Variants in ASB13 observed in about 807,000 individuals in gnomAD.
ASB13 encodes the protein ankyrin repeat and SOCS box protein 13.
In ASB13, 33 loss-of-function variants were observed where a neutral mutation model predicts 28.8. That is an observed-to-expected ratio of 1.15 (90% CI 0.87 to 1.53). The LOEUF is 1.53. Ranked by LOEUF, ASB13 falls within the 40% of genes most tolerant of loss-of-function variation. ASB13 has a pLI of 0.00. For synonymous variants in ASB13, 182 were observed against 172.9 expected (o/e 1.05, Z -0.41); for missense variants, 414 against 390.1 (o/e 1.06, Z -0.52).
rs1037053410 is a variant in ASB13, at chr10:5,649,286, G to A, written c.383-182C>T. Among the ~76,000 whole-genome samples, 1 of 152,228 alleles carries A rather than the reference G, an allele frequency of 6.6e-6. No homozygotes were observed. On this transcript the variant is annotated intron_variant, in intron 3 of 5. Coordinates refer to ENST00000357700, the MANE Select transcript of ASB13 (RefSeq NM_024701.4). The surrounding 1 kb of genome is among the most constrained non-coding windows in gnomAD (Gnocchi z 6.4). ...CATGGCCCTCAGGAAGCCAGGACAC[G>A]GCTCTGCGCCCCGCTGAGGACGGAG... is the stretch of plus-strand genomic sequence containing the variant.
rs200775719 is a variant in ASB13 at position 5,649,466 on chromosome 10, GA to G, written c.383-363del. Among the ~76,000 whole-genome samples, 11,374 of 151,684 alleles carry G rather than the reference GA, an allele frequency of 0.075. 542 individuals are homozygous for G. The highest frequency in any genetic ancestry group is 0.15 in the Middle Eastern group (44 of 290). Reference sequence around the variant, plus strand: ...GTCAGCACTGAGCCCAGCCTCCCAGGAAACCCCCCAGACTTTCTTATGCAGG... The same window carrying G: ...GTCAGCACTGAGCCCAGCCTCCCAGGAACCCCCCAGACTTTCTTATGCAGG... On this transcript the variant is annotated intron_variant, in intron 3 of 5. Coordinates refer to ENST00000357700, the MANE Select transcript of ASB13 (RefSeq NM_024701.4). This position sits in a 1 kb window ranked among gnomAD's most constrained non-coding sequence, Gnocchi z 6.4.
In ASB13 at chr10:5,658,274, T is replaced by C. The variant is rs1835102244; in HGVS notation, c.44-5224A>G. On this transcript the variant is annotated intron_variant, in intron 1 of 5. Transcript: ENST00000357700. The surrounding 1 kb of genome is among the most constrained non-coding windows in gnomAD (Gnocchi z 4.2). ...GGTGAAACCCCATCTCTACTAAAAT[T>C]ACAAAAATTAGCTGGGCATGGTGGC... is the stretch of plus-strand genomic sequence containing the variant. Among the ~76,000 whole-genome samples the C allele has an allele frequency of 6.6e-6, 1 of 152,060 alleles. No individual in the cohort carries two copies. The highest frequency in any genetic ancestry group is 2.4e-5 in the African/African-American group (1 of 41,404).
rs1278511019 is a variant in ASB13 at position 5,656,937 on chromosome 10, T to C, written c.44-3887A>G. Among the ~76,000 whole-genome samples, 4 of 152,230 alleles carry C rather than the reference T, an allele frequency of 2.6e-5. No individual in the cohort carries two copies. The highest frequency in any genetic ancestry group is 2.0e-4 in the Admixed American group (3 of 15,280). ...GCACTTTAGACACTTATCTACCATC[T>C]TCCTGGTTTGCTGGCTCTCCAGATA... On this transcript the variant is annotated intron_variant, in intron 1 of 5. Coordinates refer to ENST00000357700, the MANE Select transcript of ASB13 (RefSeq NM_024701.4). This position sits in a 1 kb window ranked among gnomAD's most constrained non-coding sequence, Gnocchi z 4.3.
Position 5,641,747 on chromosome 10 carries a change from G to C in ASB13, c.709+23C>G, listed in dbSNP as rs1834809663. 3 of 1,548,194 alleles carry C rather than the reference G, an allele frequency of 1.9e-6. No homozygotes were observed. The highest frequency in any genetic ancestry group is 2.6e-6 in the Non-Finnish European group (3 of 1,141,354). On this transcript the variant is annotated intron_variant, in intron 5 of 5. Coordinates refer to ENST00000357700, the MANE Select transcript of ASB13 (RefSeq NM_024701.4). The surrounding 1 kb of genome is among the most constrained non-coding windows in gnomAD (Gnocchi z 8.4). The stretch of plus-strand genomic sequence containing the variant: ...CAGGCTGAAGGCTGGAGGGGATGGG[G>C]TGCGCTCGGTGGGGTGTCTCACTTT...
rs1296872529 is a variant in ASB13, at chr10:5,645,914, T to C, written c.517+3056A>G. Among the ~76,000 whole-genome samples, 2 of 152,120 alleles carry C rather than the reference T, an allele frequency of 1.3e-5. No homozygotes were observed. Among genetic ancestry groups the C allele is most frequent in the Admixed American group, 1.3e-4 (2 of 15,260 alleles). On this transcript the variant is annotated intron_variant, in intron 4 of 5. Transcript: ENST00000357700. This position sits in a 1 kb window ranked among gnomAD's most constrained non-coding sequence, Gnocchi z 5.4. ...TTCTCTCTCCTCTGTATGTTTGAAA[T>C]TTTCCGCAATGAAAAAATGGTTTCT... is the stretch of plus-strand genomic sequence containing the variant.
rs1588513752 is a variant in ASB13 at position 5,652,062 on chromosome 10, A to AC, written c.232-700_232-699insG. Among the ~76,000 whole-genome samples the AC allele has an allele frequency of 6.8e-6, 1 of 146,332 alleles. No individual in the cohort carries two copies. Among genetic ancestry groups the AC allele is most frequent in the Non-Finnish European group, 1.5e-5 (1 of 65,848 alleles). On this transcript the variant is annotated intron_variant, in intron 2 of 5. Coordinates refer to ENST00000357700, the MANE Select transcript of ASB13 (RefSeq NM_024701.4). The surrounding 1 kb of genome is among the most constrained non-coding windows in gnomAD (Gnocchi z 5.0). The stretch of plus-strand genomic sequence containing the variant: ...CACACACACACACACACACACACAC[A>AC]AAACTCTAACCTCAATGGAAGGAAT...
rs1835008885 is a variant in ASB13, at chr10:5,652,872, A to T, written c.222T>A (p.Ala74=). The change falls in exon 2 of 6, where the codon GCT becomes GCA. Residue 74 remains alanine, a synonymous_variant. Transcript: ENST00000357700. This position sits in a 1 kb window ranked among gnomAD's most constrained non-coding sequence, Gnocchi z 5.0. The stretch of plus-strand genomic sequence containing the variant: ...CTGAAGGGCCACTCACCTGGGCCCC[A>T]GCCGCCAGCAGCAGCTGCACACACC... The part of the protein sequence containing the change: ...QARCVQLLLA[A]GAQVDARNID... The T allele has an allele frequency of 1.3e-6, 2 of 1,546,962 alleles. No individual in the cohort carries two copies. Among genetic ancestry groups the T allele is most frequent in the Non-Finnish European group, 8.7e-7 (1 of 1,144,770 alleles).
Position 5,642,356 on chromosome 10 carries a change from C to G in ASB13, c.518-395G>C, listed in dbSNP as rs1244765019. On this transcript the variant is annotated intron_variant, in intron 4 of 5. Transcript: ENST00000357700. The surrounding 1 kb of genome is among the most constrained non-coding windows in gnomAD (Gnocchi z 4.1). ...CCGCCTGGCCTCCAGCACAGACACA[C>G]ACTGCTTCTTCCTCTTGCGGGCCCA... The G allele has an allele frequency of 2.0e-6, 1 of 497,592 alleles. No homozygotes were observed. Among genetic ancestry groups the G allele is most frequent in the Non-Finnish European group, 2.9e-6 (1 of 340,796 alleles). 30.8% of individuals were successfully genotyped at this position (497,592 alleles called of 1,614,324 possible).
At position 5,641,885 on chromosome 10, in the gene ASB13, G is replaced by T. The variant is rs61756319; in HGVS notation, c.594C>A (p.Ile198=). ...TGCCGCCAAACTCGATAAGCATCTC[G>T]ATGAGGTCAACATTCTTGACCTTGG... is the stretch of plus-strand genomic sequence containing the variant. ...HAAKVKNVDL[I]EMLIEFGGNI... Residue 198 remains isoleucine (I), a synonymous_variant, in exon 5 of 6, where the codon ATC becomes ATA. Coordinates refer to ENST00000357700, the MANE Select transcript of ASB13 (RefSeq NM_024701.4). The surrounding 1 kb of genome is among the most constrained non-coding windows in gnomAD (Gnocchi z 8.4). The T allele has an allele frequency of 6.2e-7, 1 of 1,614,156 alleles. No individual in the cohort carries two copies. The highest frequency in any genetic ancestry group is 8.5e-7 in the Non-Finnish European group (1 of 1,180,018).
chr10:5,652,342 G>A lies in ASB13; in HGVS notation c.231+521C>T, dbSNP rs1377638111. Among the ~76,000 whole-genome samples, 2 of 152,202 alleles carry A rather than the reference G, an allele frequency of 1.3e-5. No homozygotes were observed. The highest frequency in any genetic ancestry group is 6.5e-5 in the Admixed American group (1 of 15,280). On this transcript the variant is annotated intron_variant, in intron 2 of 5. Transcript: ENST00000357700. This position sits in a 1 kb window ranked among gnomAD's most constrained non-coding sequence, Gnocchi z 5.0. ...TTGGCCAGGGGTGTGCAGGGCCAGT[G>A]TTTGCCAGCTCGGGAGAGCTGGCTG...
chr10:5,666,492 GCGGCGCCCGCA>G lies in ASB13; in HGVS notation c.43+6_43+16del, dbSNP rs1340691400. On this transcript the variant is annotated splice_donor_region_variant and intron_variant, in intron 1 of 5. Coordinates refer to ENST00000357700, the MANE Select transcript of ASB13 (RefSeq NM_024701.4). ...GCGCCGCTGCCTCGCTCTGACCTCC[GCGGCGCCCGCA>G]CGTACCCACGTCGCCCAGGAAGCAG... The G allele has an allele frequency of 1.5e-6, 2 of 1,295,344 alleles. No individual in the cohort carries two copies. The highest frequency in any genetic ancestry group is 6.3e-5 in the Admixed American group (2 of 31,500). The allele number at this position is 1,295,344 out of a possible 1,614,324, so 80.2% of individuals were successfully genotyped here. A position where few individuals can be genotyped will look rare whatever the true frequency, so the allele number is the denominator to read the frequency against.
chr10:5,651,409 G>A lies in ASB13; in HGVS notation c.232-46C>T, dbSNP rs778321274. The stretch of plus-strand genomic sequence containing the variant: ...GTGTCAAAGGGCAGAGAAATGCCAC[G>A]CAACCCACTTTCCCATCCTGCTGCA... On this transcript the variant is annotated intron_variant, in intron 2 of 5. Transcript: ENST00000357700. The surrounding 1 kb of genome is among the most constrained non-coding windows in gnomAD (Gnocchi z 5.1). 1.8e-5 allele frequency: 28 copies of A among 1,515,052 alleles called. No individual in the cohort carries two copies. The highest frequency in any genetic ancestry group is 1.7e-4 in the Admixed American group (8 of 46,984). The allele number at this position is 1,515,052 out of a possible 1,614,324, so 93.9% of individuals were successfully genotyped here. A position where few individuals can be genotyped will look rare whatever the true frequency, so the allele number is the denominator to read the frequency against.
At chr10:5,666,441 G>C in intron 1 of ASB13, 68 bp downstream of exon 1, 1 of 1,229,696 alleles carries the variant, frequency 8.1e-7, no homozygotes, top group South Asian at 2.6e-5. Context: ...GCAGGCCATC[G>C]GATACGCGGC....
Position 5,659,610 on chromosome 10 carries a change from G to A in ASB13, c.44-6560C>T, listed in dbSNP as rs568885202. Among the ~76,000 whole-genome samples, 21 of 152,090 alleles carry A rather than the reference G, an allele frequency of 1.4e-4. No individual in the cohort carries two copies. The highest frequency in any genetic ancestry group is 4.2e-4 in the South Asian group (2 of 4,810). Reference sequence around the variant, plus strand: ...ACCTTGCTTCCGGCTGAAATTCCTCGACTGAGGGGACCCCTGCTCCTTCAG... The same window carrying A: ...ACCTTGCTTCCGGCTGAAATTCCTCAACTGAGGGGACCCCTGCTCCTTCAG... On this transcript the variant is annotated intron_variant, in intron 1 of 5. Coordinates refer to ENST00000357700, the MANE Select transcript of ASB13 (RefSeq NM_024701.4). The surrounding 1 kb of genome is among the most constrained non-coding windows in gnomAD (Gnocchi z 5.8).
intron 1 of ASB13, among the ~76,000 whole-genome samples, chr10:5,665,440 T>C (rs1404930924): frequency 6.6e-6 from 1 of 152,226 alleles, no homozygotes; most frequent in Non-Finnish European, 1.5e-5. Flanking sequence ...CTTCTACAGA[T>C]GCATTCCATA....
Position 5,662,700 on chromosome 10 carries a change from C to T in ASB13, c.43+3809G>A, listed in dbSNP as rs546750879. Among the ~76,000 whole-genome samples, 107 of 152,060 alleles carry T rather than the reference C, an allele frequency of 7.0e-4. 1 individual carries two copies. Among genetic ancestry groups the T allele is most frequent in the Middle Eastern group, 3.4e-3 (1 of 294 alleles). On this transcript the variant is annotated intron_variant, in intron 1 of 5. Transcript: ENST00000357700. The stretch of plus-strand genomic sequence containing the variant: ...CAAATGTAGCATCCATTCATCTCTG[C>T]CTGCTGTCCAAACCACACACAAGTG...
intron 1 of ASB13, among the ~76,000 whole-genome samples, chr10:5,662,374 C>T (rs1290187149): frequency 6.6e-6 from 1 of 151,682 alleles, no homozygotes; most frequent in Admixed American, 6.6e-5. Flanking sequence ...CAAAAATTAG[C>T]TGGGTGTGGT....
chr10:5,655,203 A>C lies in ASB13; in HGVS notation c.44-2153T>G, dbSNP rs1305321217. On this transcript the variant is annotated intron_variant, in intron 1 of 5. Coordinates refer to ENST00000357700, the MANE Select transcript of ASB13 (RefSeq NM_024701.4). This position sits in a 1 kb window ranked among gnomAD's most constrained non-coding sequence, Gnocchi z 6.2. ...TGCTTTTAGAGATCCCCACATTGCC[A>C]CCTTCCCCCACCTCTGCCTTGGGCA... Among the ~76,000 whole-genome samples the C allele has an allele frequency of 1.3e-5, 2 of 151,842 alleles. No homozygotes were observed. Among genetic ancestry groups the C allele is most frequent in the Non-Finnish European group, 2.9e-5 (2 of 67,968 alleles).
At chr10:5,654,263 C>T (rs1466588763) in intron 1 of ASB13, among the ~76,000 whole-genome samples, 1 of 151,454 alleles carries the variant, frequency 6.6e-6, no homozygotes, top group African/African-American at 2.4e-5. Context: ...CAAGCTTCCA[C>T]ACTCTGCTCA....
Sources: gnomAD v4.1 joint callset for allele counts (sites outside exome capture counted in the v4.1 genomes callset) on GRCh38, gnomAD v4.1.1 for gene constraint, Gnocchi (gnomAD v3.1) non-coding constraint, MANE v1.5 for transcripts, NCBI Gene and HGNC (gene_info 2026-07-23, HGNC 2026-07-21) for gene names.